Variants in BIRC6 observed in about 807,000 individuals in gnomAD.
BIRC6 encodes dual E2 ubiquitin-conjugating enzyme/E3 ubiquitin-protein ligase BIRC6.
Under a neutral mutation model 503.3 loss-of-function variants are expected in BIRC6, and 98 were observed. That is an observed-to-expected ratio of 0.19 (90% CI 0.17 to 0.23). The LOEUF is 0.23. Ranked by LOEUF, BIRC6 falls within the 10% of genes least tolerant of loss-of-function variation. The pLI, the probability that BIRC6 is intolerant of heterozygous loss-of-function variation, is 1.00. For missense variants in BIRC6, 5,360 were observed against 5,806.0 expected (o/e 0.92, Z 2.50); for synonymous variants, 2,240 against 2,078.7 (o/e 1.08, Z -2.11).
chr2:32,597,602 G>A, intron 68 of BIRC6, 149 bp from the exon 69 acceptor site: 1 of 629,888 alleles, frequency 1.6e-6, no homozygotes, highest in Admixed American at 2.7e-5. Context: ...TAATATATAG[G>A]TGTTATGTAA....
chr2:32,531,243 G>T, intron 60 of BIRC6, 112 bp from the exon 61 acceptor site: 1 of 845,602 alleles, frequency 1.2e-6, no homozygotes, highest in Non-Finnish European at 1.8e-6. Context: ...ATGATGTTTT[G>T]TGCTCTTTTT....
At chr2:32,460,060 T>C (rs2047660623) in intron 23 of BIRC6, among the ~76,000 whole-genome samples, 1 of 148,962 alleles carries the variant, frequency 6.7e-6, no homozygotes, top group South Asian at 2.1e-4. Flanking sequence ...CCTTGTGTTA[T>C]TTTGTGCTTC....
Position 32,468,083 on chromosome 2 carries a change from G to C in BIRC6, c.5752G>C (p.Val1918Leu), listed in dbSNP as rs753468910. The C allele has an allele frequency of 6.2e-6, 10 of 1,613,784 alleles. No homozygotes were observed. Among genetic ancestry groups the C allele is most frequent in the Non-Finnish European group, 4.2e-6 (5 of 1,179,858 alleles). ...AATTGACCAGCATTTAGCAATGATG[G>C]TTGCTTTGCAGGAGGATATACAGTG... ...PEIDQHLAMM[V>L]ALQEDIQCRY... is the part of the protein sequence containing the mutation. Residue 1918 changes from valine (V) to leucine (L), a missense_variant, in exon 28 of 74, where the codon GTT becomes CTT. Coordinates refer to ENST00000421745, the MANE Select transcript of BIRC6 (RefSeq NM_016252.4).
chr2:32,603,093 A>T lies in BIRC6; in HGVS notation c.14070+10A>T. ...CTCAAGCTTTTTGCAAGTAAACAAAATTTCTCTGACATTTTCACTTAAGAA... is the reference window on the plus strand; with the variant it reads ...CTCAAGCTTTTTGCAAGTAAACAAATTTTCTCTGACATTTTCACTTAAGAA... On this transcript the variant is annotated intron_variant, in intron 71 of 73. Transcript: ENST00000421745. 2 of 1,603,546 alleles carry T rather than the reference A, an allele frequency of 1.2e-6. No homozygotes were observed. Among genetic ancestry groups the T allele is most frequent in the Non-Finnish European group, 1.7e-6 (2 of 1,175,538 alleles).
At chr2:32,464,479 C>T (rs1428257195) in intron 24 of BIRC6, 30 bp from the exon 25 acceptor site, 3 of 1,533,228 alleles carry the variant, frequency 2.0e-6, no homozygotes, top group East Asian at 4.9e-5. Context: ...CAGGATTAGT[C>T]TATATATGTT....
intron 30 of BIRC6, 120 bp downstream of exon 30, chr2:32,469,734 G>T (rs1031758057): frequency 1.4e-5 from 13 of 932,698 alleles, no homozygotes; most frequent in Admixed American, 9.8e-5. Context: ...GCAGATCTCA[G>T]AGTTTGTGAA....
Position 32,465,272 on chromosome 2 carries a change from A to G in BIRC6, c.5356+108A>G, listed in dbSNP as rs558416650. On this transcript the variant is annotated intron_variant, in intron 26 of 73. Transcript: ENST00000421745. ...CGATTTTTTTTTTTTTTTTTTTTGCAAATCGCGTTTCCTCTTGGGTTAAGT... is the reference window on the plus strand; with the variant it reads ...CGATTTTTTTTTTTTTTTTTTTTGCGAATCGCGTTTCCTCTTGGGTTAAGT... 5.2e-5 allele frequency: 30 copies of G among 573,418 alleles called. No homozygotes were observed. In the South Asian group the frequency reaches 7.2e-4, roughly 14 times the overall value. 35.5% of individuals were successfully genotyped at this position (573,418 alleles called of 1,614,324 possible).
chr2:32,502,728 A>C, intron 47 of BIRC6, 67 bp from the exon 48 acceptor site: 1 of 1,185,786 alleles, frequency 8.4e-7, no homozygotes, highest in Non-Finnish European at 1.2e-6. Flanking sequence ...GGAATATTAC[A>C]TGCATTGAGT....
chr2:32,482,619 C>A, intron 39 of BIRC6, 37 bp downstream of exon 39: 1 of 1,606,812 alleles, frequency 6.2e-7, no homozygotes, highest in South Asian at 1.1e-5. Flanking sequence ...ATATGCTATT[C>A]TTAAAACAAG....
intron 65 of BIRC6, among the ~76,000 whole-genome samples, chr2:32,569,189 G>C (rs900964829): frequency 6.6e-6 from 1 of 151,816 alleles, no homozygotes; most frequent in Non-Finnish European, 1.5e-5. Flanking sequence ...GGGTTTCGCC[G>C]TGTTGACCAG....
rs1264396401 is a variant in BIRC6, at chr2:32,543,550, T to C, written c.12592+9T>C. On this transcript the variant is annotated intron_variant, in intron 62 of 73. Coordinates refer to ENST00000421745, the MANE Select transcript of BIRC6 (RefSeq NM_016252.4). ...AGATGATGGAGAAGGAAGTAAGTGT[T>C]TAGTATTAAATTTATCAACACATAT... 1.2e-6 allele frequency: 2 copies of C among 1,610,504 alleles called. No homozygotes were observed. Among genetic ancestry groups the C allele is most frequent in the South Asian group, 1.1e-5 (1 of 90,956 alleles).
At chr2:32,582,233 A>T (rs2060721106) in intron 66 of BIRC6, among the ~76,000 whole-genome samples, 1 of 152,014 alleles carries the variant, frequency 6.6e-6, no homozygotes, top group African/African-American at 2.4e-5. Context: ...GCTGGGCTGG[A>T]TATGGTGGCT....
At chr2:32,453,742 ATTG>A (rs1220770374) in intron 22 of BIRC6, 63 bp from the exon 23 acceptor site, 3 of 1,465,106 alleles carry the variant, frequency 2.0e-6, no homozygotes, top group African/African-American at 2.8e-5. Context: ...AGCTATAATT[ATTG>A]TTGTGACTAT....
At chr2:32,425,098 A>AT (rs34234967) in intron 10 of BIRC6, among the ~76,000 whole-genome samples, 88,646 of 147,668 alleles carry the variant, frequency 0.6, 26,842 homozygotes, top group African/African-American at 0.67. Context: ...CCACTTTTGA[A>AT]TTTTTTTTTT....
intron 3 of BIRC6, among the ~76,000 whole-genome samples, chr2:32,386,484 C>T (rs1162913620): frequency 2.0e-5 from 3 of 150,424 alleles, no homozygotes; most frequent in Non-Finnish European, 4.4e-5. Context: ...TGCTCTGTCA[C>T]TCAGGCTGGA....
Position 32,525,573 on chromosome 2 carries a change from T to A in BIRC6, c.11865T>A (p.Ala3955=), listed in dbSNP as rs1572812011. The change falls in exon 59 of 74, where the codon GCT becomes GCA. Residue 3955 remains alanine, a synonymous_variant. Transcript: ENST00000421745. The part of the protein sequence containing the change: ...DKIGSTSGAE[A]ANKIITVPVF... ...TAGGAAGTACTTCAGGAGCAGAGGC[T>A]GCCAACAAAATAATTACTGTCCCAG... 2 of 1,613,980 alleles carry A rather than the reference T, an allele frequency of 1.2e-6. No individual in the cohort carries two copies. Among genetic ancestry groups the A allele is most frequent in the East Asian group, 4.5e-5 (2 of 44,874 alleles).
chr2:32,448,620 C>T (rs987887598), intron 21 of BIRC6, among the ~76,000 whole-genome samples, 175 bp from the exon 22 acceptor site: 10 of 150,468 alleles, frequency 6.6e-5, no homozygotes, highest in Non-Finnish European at 1.0e-4. Flanking sequence ...AGCTTCGGCT[C>T]GGCATCAGAG....
intron 40 of BIRC6, 150 bp from the exon 41 acceptor site, chr2:32,487,497 T>C (rs890370046): frequency 1.7e-6 from 1 of 604,744 alleles, no homozygotes; most frequent in Non-Finnish European, 2.5e-6. Flanking sequence ...TAAAAACACG[T>C]TTTTCAAATA....
At position 32,525,524 on chromosome 2, in the gene BIRC6, G is replaced by C. The variant is rs553403645; in HGVS notation, c.11816G>C (p.Arg3939Thr). ...SATPPRPPSRRGRTIPDKIGS... is the reference protein window; with the variant it reads ...SATPPRPPSRTGRTIPDKIGS... ...ACACCACCTCGCCCACCATCCAGGAGGGGGAGGACAATACCTGATAAAATA... is the reference window on the plus strand; with the variant it reads ...ACACCACCTCGCCCACCATCCAGGACGGGGAGGACAATACCTGATAAAATA... The change falls in exon 59 of 74, where the codon AGG becomes ACG. Residue 3939 changes from arginine (R) to threonine (T), a missense_variant. Around this residue, in one of 16 missense-constraint regions of BIRC6, gnomAD observed 878 missense variants for 928.9 expected, o/e 0.95. Coordinates refer to ENST00000421745, the MANE Select transcript of BIRC6 (RefSeq NM_016252.4). 2.5e-6 allele frequency: 4 copies of C among 1,613,950 alleles called. No homozygotes were observed. Among genetic ancestry groups the C allele is most frequent in the Non-Finnish European group, 2.5e-6 (3 of 1,179,872 alleles).
Sources: gnomAD v4.1 joint callset for allele counts (sites outside exome capture counted in the v4.1 genomes callset) on GRCh38, gnomAD v4.1.1 for gene constraint, gnomAD v4.1.1 regional missense constraint, MANE v1.5 for transcripts, NCBI Gene and HGNC (gene_info 2026-07-23, HGNC 2026-07-21) for gene names.